PCDH9: variants seen among roughly 807,000 people sequenced by gnomAD.
The protein encoded by PCDH9 is protocadherin-9.
In PCDH9, 24 loss-of-function variants were observed where a neutral mutation model predicts 70.6. The ratio of observed to expected loss-of-function variants is 0.34; its 90% CI spans 0.25 to 0.48. PCDH9 has a LOEUF of 0.48. Among genes scored for constraint, PCDH9 ranks in the 20% least tolerant of loss-of-function variants. The pLI is 0.99. For synonymous variants in PCDH9, 562 were observed against 558.5 expected (o/e 1.01, Z -0.09); for missense variants, 1,281 against 1,503.6 (o/e 0.85, Z 2.45).
chr13:67,188,168 G>C (rs971997073), intron 2 of PCDH9, among the ~76,000 whole-genome samples: 3 of 152,102 alleles, frequency 2.0e-5, no homozygotes, highest in African/African-American at 7.2e-5. Flanking sequence ...TGTGTCATAT[G>C]CTTATCATGC....
At chr13:66,708,808 A>G (rs911191280) in intron 3 of PCDH9, among the ~76,000 whole-genome samples, 2 of 152,220 alleles carry the variant, frequency 1.3e-5, no homozygotes, top group African/African-American at 2.4e-5. Flanking sequence ...CCCTGACTTC[A>G]AAACTAACAC....
In PCDH9 at chr13:66,348,868, T is replaced by C. The variant is rs113951859; in HGVS notation, c.3341-43840A>G. On this transcript the variant is annotated intron_variant, in intron 4 of 4. Coordinates refer to ENST00000377865, the MANE Select transcript of PCDH9 (RefSeq NM_203487.3). ...ATTTTATTTTCTGAAAACCATGTTG[T>C]TCTTCCTCTGTATAATACTCATACC... Among the ~76,000 whole-genome samples the C allele has an allele frequency of 6.8e-3, 1,032 of 152,238 alleles. 7 individuals are homozygous for C. The highest frequency in any genetic ancestry group is 0.023 in the African/African-American group (971 of 41,522).
At chr13:66,829,643 G>A (rs1307567381) in intron 3 of PCDH9, among the ~76,000 whole-genome samples, 2 of 146,040 alleles carry the variant, frequency 1.4e-5, no homozygotes, top group East Asian at 2.0e-4. Context: ...GCGTGAACCC[G>A]GGAGGCGGAG....
At chr13:66,442,687 A>G (rs1239636991) in intron 4 of PCDH9, among the ~76,000 whole-genome samples, 3 of 152,052 alleles carry the variant, frequency 2.0e-5, no homozygotes, top group Non-Finnish European at 4.4e-5. Flanking sequence ...AGTCTTGTCT[A>G]AATTATTTCG....
At chr13:66,944,689 C>G (rs2083058612) in intron 2 of PCDH9, among the ~76,000 whole-genome samples, 1 of 152,062 alleles carries the variant, frequency 6.6e-6, no homozygotes, top group African/African-American at 2.4e-5. Context: ...GATAACCAAC[C>G]CTCCCTGGGG....
intron 3 of PCDH9, among the ~76,000 whole-genome samples, chr13:66,864,940 C>T (rs1040582479): frequency 6.6e-6 from 1 of 152,102 alleles, no homozygotes; most frequent in African/African-American, 2.4e-5. Context: ...GTGGTGAGAA[C>T]CTGCAGGAAA....
chr13:67,047,069 C>A (rs138169032), intron 2 of PCDH9, among the ~76,000 whole-genome samples: 1 of 152,112 alleles, frequency 6.6e-6, no homozygotes. Context: ...ACATATATTA[C>A]GTATTAAAGT....
chr13:66,729,263 G>A (rs2139170376), intron 3 of PCDH9, among the ~76,000 whole-genome samples: 1 of 152,204 alleles, frequency 6.6e-6, no homozygotes, highest in South Asian at 2.1e-4. Flanking sequence ...GCTAAGGCAT[G>A]TTTAATCCTC....
At chr13:67,099,820 C>G (rs1241607654) in intron 2 of PCDH9, among the ~76,000 whole-genome samples, 1 of 152,178 alleles carries the variant, frequency 6.6e-6, no homozygotes, top group East Asian at 1.9e-4. Context: ...AACCCTTCAT[C>G]TAGCTTCTTC....
rs575372919 is a variant in PCDH9, at chr13:66,856,889, A to G, written c.3138+46615T>C. The stretch of plus-strand genomic sequence containing the variant: ...CCAGGTACAAGTCTTTTTACCTTGA[A>G]AAGGAATGGATTTACCTTGTAGGTG... On this transcript the variant is annotated intron_variant, in intron 3 of 4. Transcript: ENST00000377865. Among the ~76,000 whole-genome samples the G allele has an allele frequency of 3.3e-5, 5 of 152,150 alleles. No homozygotes were observed. In the South Asian group the frequency reaches 1.0e-3, roughly 32 times the overall value.
At chr13:67,097,746 T>G (rs543626622) in intron 2 of PCDH9, among the ~76,000 whole-genome samples, 1 of 152,248 alleles carries the variant, frequency 6.6e-6, no homozygotes, top group South Asian at 2.1e-4. Context: ...TTTATAAGTT[T>G]TTGATATAAA....
At chr13:66,389,790 A>C (rs889949573) in intron 4 of PCDH9, among the ~76,000 whole-genome samples, 1 of 152,174 alleles carries the variant, frequency 6.6e-6, no homozygotes, top group African/African-American at 2.4e-5. Flanking sequence ...AGGACTCAAA[A>C]AATAAGTCAA....
intron 2 of PCDH9, among the ~76,000 whole-genome samples, chr13:67,055,675 C>T (rs1330079434): frequency 1.3e-5 from 2 of 151,674 alleles, no homozygotes; most frequent in Non-Finnish European, 2.9e-5. Flanking sequence ...ATGGTGTGCA[C>T]CTGTAGTCCC....
chr13:67,048,041 C>G (rs112610015), intron 2 of PCDH9, among the ~76,000 whole-genome samples: 16 of 152,272 alleles, frequency 1.1e-4, no homozygotes, highest in African/African-American at 3.8e-4. Context: ...GCTATGTCTG[C>G]CATTACATGT....
intron 2 of PCDH9, chr13:67,220,902 T>C (rs1221603054): frequency 6.6e-6 from 1 of 151,992 alleles, no homozygotes; most frequent in Admixed American, 6.6e-5. Flanking sequence ...AATAGTCAAA[T>C]ATTTATCTTA....
At chr13:67,001,377 G>T (rs1270884963) in intron 2 of PCDH9, among the ~76,000 whole-genome samples, 3 of 151,724 alleles carry the variant, frequency 2.0e-5, no homozygotes, top group South Asian at 2.1e-4. Flanking sequence ...CGGTTGTAAA[G>T]GGGCAAGAAT....
chr13:66,944,723 T>C (rs2083059192), intron 2 of PCDH9, among the ~76,000 whole-genome samples: 2 of 152,266 alleles, frequency 1.3e-5, no homozygotes, highest in South Asian at 4.1e-4. Flanking sequence ...TGCACACAGC[T>C]CTGCCTGTGG....
intron 3 of PCDH9, among the ~76,000 whole-genome samples, chr13:66,889,534 G>A (rs1312651452): frequency 6.6e-6 from 1 of 152,098 alleles, no homozygotes; most frequent in African/African-American, 2.4e-5. Flanking sequence ...CTCAAGTGGA[G>A]GAGAAACACT....
At chr13:66,435,988 G>A (rs1243031895) in intron 4 of PCDH9, among the ~76,000 whole-genome samples, 2 of 151,940 alleles carry the variant, frequency 1.3e-5, no homozygotes, top group African/African-American at 4.8e-5. Context: ...TGTGAGCAAT[G>A]CAAGAGGATT....
Sources: allele counts gnomAD v4.1 joint callset (sites outside exome capture counted in the v4.1 genomes callset), GRCh38; gene constraint gnomAD v4.1.1; transcripts MANE v1.5; gene names NCBI Gene and HGNC (gene_info 2026-07-23, HGNC 2026-07-21).